The following GPR149 variants were observed in gnomAD, a reference collection of about 807,000 sequenced individuals.
The protein encoded by GPR149 is G protein-coupled receptor 149.
GPR149 carries 50 observed loss-of-function variants against 50.2 expected under a neutral mutation model. The ratio of observed to expected loss-of-function variants is 1.00; its 90% CI spans 0.79 to 1.26. The LOEUF (loss-of-function observed/expected upper bound fraction) is 1.26. GPR149 is among the 50% of genes most tolerant of loss of function. The pLI is 0.00. For missense variants in GPR149, 983 were observed against 895.4 expected, an observed-to-expected ratio of 1.10 and a Z score of -1.25; for synonymous variants, 405 against 358.2, an observed-to-expected ratio of 1.13 and a Z score of -1.48.
rs1271234661 is a variant in GPR149, at chr3:154,429,449, A to G, written c.167T>C (p.Ile56Thr). The change falls in exon 1 of 4, where the codon ATT becomes ACT. Residue 56 changes from isoleucine (I) to threonine (T), a missense_variant. Transcript: ENST00000389740. ...AALVGSIYSLISLLKMQNRTV... is the reference protein window; with the variant it reads ...AALVGSIYSLTSLLKMQNRTV... Reference sequence around the variant, plus strand: ...TCTGTTCTGCATTTTCAGCAGGGAAATTAGTGAATAAATGCTGCCCACCAA... The same window carrying G: ...TCTGTTCTGCATTTTCAGCAGGGAAGTTAGTGAATAAATGCTGCCCACCAA... The G allele has an allele frequency of 1.2e-6, 2 of 1,614,050 alleles. No individual in the cohort carries two copies. The highest frequency in any genetic ancestry group is 2.2e-5 in the South Asian group (2 of 91,082).
At chr3:154,427,736 A>G (rs780052996) in intron 1 of GPR149, 28 bp from the exon 2 acceptor site, 12 of 1,586,642 alleles carry the variant, frequency 7.6e-6, no homozygotes, top group Non-Finnish European at 6.0e-6. Context: ...CTTCAGACCT[A>G]ACCTAAAATT....
chr3:154,414,425 A>G (rs1277261406), intron 3 of GPR149, among the ~76,000 whole-genome samples: 4 of 152,082 alleles, frequency 2.6e-5, no homozygotes, highest in Non-Finnish European at 5.9e-5. Flanking sequence ...GAAGAATCGT[A>G]GAAATAGAAA....
At chr3:154,365,290 C>T (rs1360637773) in intron 3 of GPR149, among the ~76,000 whole-genome samples, 1 of 152,040 alleles carries the variant, frequency 6.6e-6, no homozygotes, top group African/African-American at 2.4e-5. Flanking sequence ...TGCCCTGGGC[C>T]CCTCCTTTGA....
intron 3 of GPR149, among the ~76,000 whole-genome samples, chr3:154,410,850 A>G (rs550771724): frequency 1.3e-5 from 2 of 152,292 alleles, no homozygotes; most frequent in African/African-American, 4.8e-5. Context: ...GACTTAACAG[A>G]TATTTACAAA....
chr3:154,362,090 C>A (rs947956795), intron 3 of GPR149, among the ~76,000 whole-genome samples: 6 of 151,946 alleles, frequency 3.9e-5, no homozygotes, highest in Non-Finnish European at 7.4e-5. Flanking sequence ...GAGATCGAGA[C>A]CATCCTGGCT....
chr3:154,420,429 T>G (rs1217419219), intron 3 of GPR149, among the ~76,000 whole-genome samples: 2 of 151,988 alleles, frequency 1.3e-5, no homozygotes, highest in African/African-American at 2.4e-5. Context: ...TCTTTTAGTT[T>G]TATAAAATAT....
intron 3 of GPR149, among the ~76,000 whole-genome samples, chr3:154,365,870 A>T (rs1339064319): frequency 6.6e-6 from 1 of 152,170 alleles, no homozygotes; most frequent in Non-Finnish European, 1.5e-5. Context: ...CTTAGATAAT[A>T]TCTAACACTG....
At chr3:154,394,138 G>A (rs994527555) in intron 3 of GPR149, among the ~76,000 whole-genome samples, 1 of 151,970 alleles carries the variant, frequency 6.6e-6, no homozygotes, top group Non-Finnish European at 1.5e-5. Context: ...AAAACTGGAG[G>A]CATCACATTT....
At chr3:154,410,675 G>A (rs1396208636) in intron 3 of GPR149, among the ~76,000 whole-genome samples, 1 of 152,096 alleles carries the variant, frequency 6.6e-6, no homozygotes, top group Non-Finnish European at 1.5e-5. Flanking sequence ...TAACACTGGA[G>A]CTCCCAAATT....
chr3:154,341,338 T>TATAA (rs1256350385), intron 3 of GPR149, among the ~76,000 whole-genome samples: 1 of 122,006 alleles, frequency 8.2e-6, no homozygotes, highest in Admixed American at 8.2e-5. Context: ...TATATATATA[T>TATAA]ATAAAATGAG....
chr3:154,388,303 C>CAT (rs1358929722), intron 3 of GPR149, among the ~76,000 whole-genome samples: 3 of 151,822 alleles, frequency 2.0e-5, no homozygotes, highest in South Asian at 2.1e-4. Flanking sequence ...TATATATACA[C>CAT]ATATATATAC....
At chr3:154,355,846 G>A (rs149722915) in intron 3 of GPR149, among the ~76,000 whole-genome samples, 20 of 152,184 alleles carry the variant, frequency 1.3e-4, no homozygotes, top group East Asian at 3.9e-4. Flanking sequence ...ATTTTCATTC[G>A]TAAGACAGTT....
chr3:154,387,437 G>C (rs1559982037), intron 3 of GPR149, among the ~76,000 whole-genome samples: 1 of 152,170 alleles, frequency 6.6e-6, no homozygotes, highest in African/African-American at 2.4e-5. Flanking sequence ...TGTTTGTTGA[G>C]TGAATAATAT....
In GPR149 at chr3:154,348,358, A is replaced by ATTG. The variant is rs1203965370; in HGVS notation, c.1624-10088_1624-10087insCAA. Reference sequence around the variant, plus strand: ...CACAACTCAGTTATATATTGTCTATAAGAAACTCATTTCAAATATAATAAT... The same window carrying ATTG: ...CACAACTCAGTTATATATTGTCTATATTGAGAAACTCATTTCAAATATAATAAT... On this transcript the variant is annotated intron_variant, in intron 3 of 3. Coordinates refer to ENST00000389740, the MANE Select transcript of GPR149 (RefSeq NM_001038705.3). Among the ~76,000 whole-genome samples, 252 of 152,324 alleles carry ATTG rather than the reference A, an allele frequency of 1.7e-3. 3 individuals carry two copies. Among genetic ancestry groups the ATTG allele is most frequent in the African/African-American group, 5.1e-3 (211 of 41,588 alleles).
intron 3 of GPR149, among the ~76,000 whole-genome samples, chr3:154,415,724 G>GT (rs1382066179): frequency 2.0e-5 from 3 of 151,836 alleles, no homozygotes; most frequent in Non-Finnish European, 4.4e-5. Context: ...GTGGAAGTGA[G>GT]TTTTTTCTTT....
At chr3:154,339,008 T>C (rs1713721781) in intron 3 of GPR149, among the ~76,000 whole-genome samples, 1 of 152,152 alleles carries the variant, frequency 6.6e-6, no homozygotes, top group South Asian at 2.1e-4. Flanking sequence ...ATGAAGAAAA[T>C]AAGATTGATT....
At chr3:154,349,549 A>G (rs540440454) in intron 3 of GPR149, among the ~76,000 whole-genome samples, 1 of 152,334 alleles carries the variant, frequency 6.6e-6, no homozygotes, top group African/African-American at 2.4e-5. Context: ...AATGCGAAAT[A>G]GGTAATTTGA....
chr3:154,424,846 G>A (rs1166354829), intron 2 of GPR149, among the ~76,000 whole-genome samples: 8 of 150,324 alleles, frequency 5.3e-5, no homozygotes, highest in South Asian at 2.1e-4. Flanking sequence ...ATCATTTTTC[G>A]GAGTAATGTC....
chr3:154,353,769 G>A, intron 3 of GPR149: 1 of 757,886 alleles, frequency 1.3e-6, no homozygotes, highest in Admixed American at 2.0e-5. Flanking sequence ...TGGCAAAAAA[G>A]AATGTCTTTC....
Sources: gnomAD v4.1 joint callset for allele counts (sites outside exome capture counted in the v4.1 genomes callset) on GRCh38, gnomAD v4.1.1 for gene constraint, MANE v1.5 for transcripts, NCBI Gene and HGNC (gene_info 2026-07-23, HGNC 2026-07-21) for gene names.